RNF135: variants seen among roughly 807,000 people sequenced by gnomAD.
RNF135 encodes ring finger protein 135, also known as E3 ubiquitin-protein ligase RNF135.
RNF135 carries 46 observed loss-of-function variants against 41.9 expected under a neutral mutation model. The observed-to-expected ratio is 1.10, with a 90% CI of 0.87 to 1.40. The LOEUF (loss-of-function observed/expected upper bound fraction) is 1.40. Among genes scored for constraint, RNF135 ranks in the 40% most tolerant of loss-of-function variants. The probability of loss-of-function intolerance (pLI) is 0.00; values close to 1 mark genes in which losing one functional copy is unlikely to be tolerated. For synonymous variants in RNF135, 238 were observed against 223.8 expected (o/e 1.06, Z -0.57); for missense variants, 539 against 549.8 (o/e 0.98, Z 0.20).
At chr17:30,983,338 TATATATATATATATA>T (rs1286763193) in intron 1 of RNF135, among the ~76,000 whole-genome samples, 22 of 30,748 alleles carry the variant, frequency 7.2e-4, no homozygotes, top group East Asian at 4.1e-3. Context: ...TATATATATA[TATATATATATATATA>T]TTTTTTTTTT....
At chr17:30,994,990 T>G (rs1046134658) in intron 3 of RNF135, among the ~76,000 whole-genome samples, 13 of 152,070 alleles carry the variant, frequency 8.5e-5, no homozygotes, top group African/African-American at 2.7e-4. Context: ...TTGCCCAGGC[T>G]AGAGTACTGT....
chr17:30,971,139 C>A lies in RNF135; in HGVS notation c.66C>A (p.Ile22=). The A allele has an allele frequency of 6.5e-7, 1 of 1,534,202 alleles. No homozygotes were observed. Among genetic ancestry groups the A allele is most frequent in the South Asian group, 1.2e-5 (1 of 83,988 alleles). Residue 22 remains isoleucine, a synonymous_variant, in exon 1 of 5, where the codon ATC becomes ATA. Coordinates refer to ENST00000328381, the MANE Select transcript of RNF135 (RefSeq NM_032322.4). ...TGGCCGAGGACGACCTCGGCTGCATCATCTGCCAGGGGCTGCTGGACTGGC... is the reference window on the plus strand; with the variant it reads ...TGGCCGAGGACGACCTCGGCTGCATAATCTGCCAGGGGCTGCTGGACTGGC... ...VWLAEDDLGC[I]ICQGLLDWPA...
At chr17:30,973,325 C>T (rs750511275) in intron 1 of RNF135, 1 of 152,096 alleles carries the variant, frequency 6.6e-6, no homozygotes, top group Non-Finnish European at 1.5e-5. Flanking sequence ...TTGTCACTTT[C>T]TTGATGGTAT....
At chr17:30,975,511 C>T (rs547984066) in intron 1 of RNF135, 8 of 777,314 alleles carry the variant, frequency 1.0e-5, no homozygotes, top group Admixed American at 1.7e-5. Context: ...CATACCCAAA[C>T]CCCTGCCCTC....
chr17:30,963,872 T>C, the RNF135 span, among the ~76,000 whole-genome samples: 1 of 152,134 alleles, frequency 6.6e-6, no homozygotes, highest in Non-Finnish European at 1.5e-5. Flanking sequence ...TCCCAGCACT[T>C]TGGAGGCCAA....
intron 3 of RNF135, among the ~76,000 whole-genome samples, chr17:30,990,937 A>C (rs946646467): frequency 6.6e-6 from 1 of 152,220 alleles, no homozygotes; most frequent in African/African-American, 2.4e-5. Flanking sequence ...AATTGTTTAC[A>C]ATGACAAATA....
At chr17:30,983,326 T>C (rs1176900732) in intron 1 of RNF135, among the ~76,000 whole-genome samples, 4 of 33,574 alleles carry the variant, frequency 1.2e-4, no homozygotes, top group African/African-American at 3.0e-4. Flanking sequence ...TGTACATATA[T>C]ATATATATAT....
In RNF135 at chr17:30,999,205, A is replaced by AT; in HGVS notation, c.*16dup. The AT allele has an allele frequency of 6.2e-7, 1 of 1,610,406 alleles. No homozygotes were observed. The highest frequency in any genetic ancestry group is 8.5e-7 in the Non-Finnish European group (1 of 1,179,786). On this transcript the variant is annotated 3_prime_UTR_variant, in exon 5 of 5. Coordinates refer to ENST00000328381, the MANE Select transcript of RNF135 (RefSeq NM_032322.4). ...GTAAAGGTGTAAGGTTTCCTAAGGG[A>AT]TTACAACACAGTGGTTTCCTGGTCT...
At chr17:30,995,231 CA>C (rs377335695) in intron 3 of RNF135, among the ~76,000 whole-genome samples, 1 of 151,852 alleles carries the variant, frequency 6.6e-6, no homozygotes, top group Non-Finnish European at 1.5e-5. Context: ...ACTAAAAATA[CA>C]AAAAAATTAG....
chr17:30,964,389 CAAAAAAAAA>C, the RNF135 span, among the ~76,000 whole-genome samples: 1 of 37,196 alleles, frequency 2.7e-5, no homozygotes, highest in South Asian at 9.6e-4. Flanking sequence ...GACTTCATCT[CAAAAAAAAA>C]AAAAAAAAAA....
chr17:30,988,331 C>A (rs981192957), intron 3 of RNF135, among the ~76,000 whole-genome samples: 3 of 150,512 alleles, frequency 2.0e-5, no homozygotes, highest in African/African-American at 7.3e-5. Flanking sequence ...TAGATAGAAA[C>A]TCATTTTTGA....
intron 3 of RNF135, among the ~76,000 whole-genome samples, chr17:30,992,503 T>C (rs1269914408): frequency 6.6e-6 from 1 of 152,094 alleles, no homozygotes. Context: ...TCTTACTTTG[T>C]TTCCCAGGGT....
intron 1 of RNF135, chr17:30,972,438 A>C (rs1906074446): frequency 6.6e-6 from 1 of 152,084 alleles, no homozygotes; most frequent in African/African-American, 2.4e-5. Flanking sequence ...TAAGTGTACA[A>C]TTCAGTGACA....
At chr17:30,965,170 T>G in the RNF135 span, 2 of 151,830 alleles carry the variant, frequency 1.3e-5, no homozygotes, top group African/African-American at 4.8e-5. Flanking sequence ...GGCAACACGG[T>G]AAAACCTGGC....
At chr17:30,968,431 G>C (rs1181619121), upstream of RNF135, among the ~76,000 whole-genome samples, 1 of 149,086 alleles carries the variant, frequency 6.7e-6, no homozygotes, top group East Asian at 2.0e-4. Flanking sequence ...TGTCGCCCAG[G>C]CTGGAGTGCA....
chr17:30,973,279 A>G (rs1015544294), intron 1 of RNF135: 12 of 152,202 alleles, frequency 7.9e-5, no homozygotes, highest in African/African-American at 2.9e-4. Flanking sequence ...TGACTCACAG[A>G]TATATTATAA....
At chr17:30,995,136 A>C (rs902089943) in intron 3 of RNF135, among the ~76,000 whole-genome samples, 2 of 150,988 alleles carry the variant, frequency 1.3e-5, no homozygotes, top group Admixed American at 1.3e-4. Context: ...GCCTGTAATC[A>C]TAGCACTTTG....
chr17:30,979,826 C>G (rs1445849077), intron 1 of RNF135, among the ~76,000 whole-genome samples: 1 of 137,016 alleles, frequency 7.3e-6, no homozygotes, highest in Non-Finnish European at 1.6e-5. Context: ...CCCCACCTCC[C>G]TCCCGGATGG....
intron 3 of RNF135, among the ~76,000 whole-genome samples, chr17:30,995,900 G>A (rs1178169706): frequency 6.6e-6 from 1 of 151,276 alleles, no homozygotes; most frequent in African/African-American, 2.4e-5. Flanking sequence ...GGGATTACAG[G>A]CATGTGCTAC....
Sources: gnomAD v4.1 joint callset for allele counts (sites outside exome capture counted in the v4.1 genomes callset) on GRCh38, gnomAD v4.1.1 for gene constraint, MANE v1.5 for transcripts, NCBI Gene and HGNC (gene_info 2026-07-23, HGNC 2026-07-21) for gene names.